Variants in NPTXR observed in about 807,000 individuals in gnomAD.
The protein encoded by NPTXR is neuronal pentraxin receptor.
A neutral mutation model predicts 32.2 loss-of-function variants in NPTXR; 12 were observed. The ratio of observed to expected loss-of-function variants is 0.37; its 90% CI spans 0.24 to 0.60. NPTXR has a LOEUF of 0.60. NPTXR is among the 20% of genes least tolerant of loss of function. The pLI, the probability that NPTXR is intolerant of heterozygous loss-of-function variation, is 0.66. For missense variants in NPTXR, 612 were observed against 682.9 expected (o/e 0.90, Z 1.16); for synonymous variants, 323 against 315.8 (o/e 1.02, Z -0.24).
intron 1 of NPTXR, among the ~76,000 whole-genome samples, chr22:38,831,302 G>T (rs1207778957): frequency 1.3e-5 from 2 of 152,204 alleles, no homozygotes; most frequent in Non-Finnish European, 2.9e-5. Context: ...AGCCACTTGG[G>T]TGGCTGAGGC....
intron 1 of NPTXR, among the ~76,000 whole-genome samples, chr22:38,837,844 T>TA (rs1189544833): frequency 1.6e-4 from 24 of 149,492 alleles, no homozygotes; most frequent in South Asian, 6.3e-4. Context: ...TTTATTTTTA[T>TA]TTTTTATTTT....
In NPTXR at chr22:38,822,563, T is replaced by A; in HGVS notation, c.*46A>T. On this transcript the variant is annotated 3_prime_UTR_variant, in exon 5 of 5. Transcript: ENST00000333039. ...AGGAGGGAATATGACCCCCCTCAAG[T>A]CCCCAAAGTGGCAGGCAAGGGAGGG... 6.5e-7 allele frequency: 1 copy of A among 1,548,800 alleles called. No individual in the cohort carries two copies. The highest frequency in any genetic ancestry group is 1.4e-5 in the African/African-American group (1 of 73,478).
chr22:38,833,685 T>G (rs2093119755), intron 1 of NPTXR, among the ~76,000 whole-genome samples: 2 of 148,228 alleles, frequency 1.3e-5, no homozygotes. Flanking sequence ...ATGGAGTTTC[T>G]TTTTTTTTTG....
Position 38,820,881 on chromosome 22 carries a change from T to G in NPTXR, c.*1728A>C, listed in dbSNP as rs2093095891. ...AGCTGTGGTGCCAGATGGGGTGGCTTTTCTCATCTTTAAGATTATTATTAT... is the reference window on the plus strand; with the variant it reads ...AGCTGTGGTGCCAGATGGGGTGGCTGTTCTCATCTTTAAGATTATTATTAT... On this transcript the variant is annotated 3_prime_UTR_variant, in exon 5 of 5. Coordinates refer to ENST00000333039, the MANE Select transcript of NPTXR (RefSeq NM_014293.4). 6.6e-6 allele frequency: 1 copy of G among 152,264 alleles called. No individual in the cohort carries two copies. Among genetic ancestry groups the G allele is most frequent in the Admixed American group, 6.5e-5 (1 of 15,276 alleles). 9.4% of individuals were successfully genotyped at this position (152,264 alleles called of 1,614,324 possible). A position where few individuals can be genotyped will look rare whatever the true frequency, so the allele number is the denominator to read the frequency against.
In NPTXR at chr22:38,819,829, G is replaced by C. The variant is rs1457062557; in HGVS notation, c.*2780C>G. 1.3e-5 allele frequency: 2 copies of C among 152,860 alleles called. No homozygotes were observed. The highest frequency in any genetic ancestry group is 3.9e-4 in the East Asian group (2 of 5,188). The allele number at this position is 152,860 out of a possible 1,614,324, so 9.5% of individuals were successfully genotyped here. ...TTGGATGTGCTCAGGGGCAGCAGAAGATAGGAAAAGCGGGACCCAAACAGT... is the reference window on the plus strand; with the variant it reads ...TTGGATGTGCTCAGGGGCAGCAGAACATAGGAAAAGCGGGACCCAAACAGT... On this transcript the variant is annotated 3_prime_UTR_variant, in exon 5 of 5. Transcript: ENST00000333039.
chr22:38,822,683 C>A lies in NPTXR; in HGVS notation c.1429G>T (p.Asp477Tyr). The stretch of plus-strand genomic sequence containing the variant: ...CCCCCAAAGGCCTCCACCAACTTGT[C>A]TTCCCAGGGAAGGACGTTGCCCAGC... Residue 477 changes from aspartate to tyrosine, a missense_variant, in exon 5 of 5, where the codon GAC (aspartate) becomes TAC (tyrosine). Asp to Tyr is a radical substitution (Grantham distance 160, BLOSUM62 -3). Transcript: ENST00000333039. 1 of 1,614,164 alleles carries A rather than the reference C, an allele frequency of 6.2e-7. No homozygotes were observed. Among genetic ancestry groups the A allele is most frequent in the South Asian group, 1.1e-5 (1 of 91,082 alleles).
At chr22:38,826,130 A>T (rs956003283) in intron 3 of NPTXR, among the ~76,000 whole-genome samples, 35 of 152,128 alleles carry the variant, frequency 2.3e-4, no homozygotes, top group South Asian at 4.1e-4. Context: ...GGCATGAGCC[A>T]GTGCGCCCGG....
At chr22:38,828,195 A>T in intron 2 of NPTXR, 92 bp downstream of exon 2, 1 of 1,003,594 alleles carries the variant, frequency 1.0e-6, no homozygotes, top group Admixed American at 1.8e-5. Flanking sequence ...CAGTCTGTCG[A>T]TGTTAGCCTC....
intron 1 of NPTXR, among the ~76,000 whole-genome samples, chr22:38,832,161 G>A (rs987575350): frequency 6.6e-6 from 1 of 152,202 alleles, no homozygotes; most frequent in Admixed American, 6.5e-5. Flanking sequence ...GCTCTGCAGC[G>A]GCCAGGAAGG....
At position 38,843,172 on chromosome 22, in the gene NPTXR, G is replaced by A; in HGVS notation, c.624+63C>T. The stretch of plus-strand genomic sequence containing the variant: ...ACCGGAGGCTCGGGGACCGCCGGAC[G>A]ACCGCGGCCGGGCGGCCCCTCACAC... On this transcript the variant is annotated intron_variant, in intron 1 of 4. Transcript: ENST00000333039. This position sits in a 1 kb window ranked among gnomAD's most constrained non-coding sequence, Gnocchi z 5.3. 8.0e-7 allele frequency: 1 copy of A among 1,252,954 alleles called. No homozygotes were observed. The highest frequency in any genetic ancestry group is 1.0e-6 in the Non-Finnish European group (1 of 997,768). 77.6% of individuals were successfully genotyped at this position (1,252,954 alleles called of 1,614,324 possible). A position where few individuals can be genotyped will look rare whatever the true frequency, so the allele number is the denominator to read the frequency against.
chr22:38,820,000 A>G lies in NPTXR; in HGVS notation c.*2609T>C, dbSNP rs1274372329. The G allele has an allele frequency of 1.3e-5, 2 of 152,588 alleles. No homozygotes were observed. Among genetic ancestry groups the G allele is most frequent in the African/African-American group, 2.4e-5 (1 of 41,418 alleles). The allele number at this position is 152,588 out of a possible 1,614,324, so 9.5% of individuals were successfully genotyped here. ...TTGAGCGTGTGTGTGGGCTCAAGTG[A>G]CCATGCAAGTGCTGTCACCTCCTTC... On this transcript the variant is annotated 3_prime_UTR_variant, in exon 5 of 5. Coordinates refer to ENST00000333039, the MANE Select transcript of NPTXR (RefSeq NM_014293.4).
In NPTXR at chr22:38,826,769, A is replaced by G. The variant is rs369111000; in HGVS notation, c.851-22T>C. The G allele has an allele frequency of 2.2e-5, 35 of 1,604,088 alleles. No homozygotes were observed. The African/African-American group carries it at 3.5e-4, about 16-fold the overall frequency. ...GACCCTGAGGGTGGGCAAGGCAGAC[A>G]TGGTGGAGGTCGGTGGACACCGAAA... On this transcript the variant is annotated intron_variant, in intron 2 of 4. Transcript: ENST00000333039.
At chr22:38,836,721 C>T (rs973695230) in intron 1 of NPTXR, among the ~76,000 whole-genome samples, 4 of 151,824 alleles carry the variant, frequency 2.6e-5, no homozygotes, top group African/African-American at 9.7e-5. Flanking sequence ...TGTCCACTTA[C>T]GATTTGTGTC....
At chr22:38,831,919 G>A (rs114553026) in intron 1 of NPTXR, among the ~76,000 whole-genome samples, 508 of 152,246 alleles carry the variant, frequency 3.3e-3, no homozygotes, top group African/African-American at 0.011. Flanking sequence ...GGCAGGAGTC[G>A]TTTTGAATTG....
chr22:38,825,848 T>C (rs1247012870), intron 3 of NPTXR, among the ~76,000 whole-genome samples: 1 of 150,046 alleles, frequency 6.7e-6, no homozygotes, highest in Non-Finnish European at 1.5e-5. Context: ...CTCTTTTTTT[T>C]TTTTTTTTTT....
Position 38,828,525 on chromosome 22 carries a change from C to T in NPTXR, c.625-13G>A. Reference sequence around the variant, plus strand: ...CTGGAAGCTCCTGCTGTTCACAGGGCAGAGAAACAGAAATCAACTGAGGGG... The same window carrying T: ...CTGGAAGCTCCTGCTGTTCACAGGGTAGAGAAACAGAAATCAACTGAGGGG... On this transcript the variant is annotated splice_polypyrimidine_tract_variant and intron_variant, in intron 1 of 4. Transcript: ENST00000333039. 1 of 1,562,402 alleles carries T rather than the reference C, an allele frequency of 6.4e-7. No homozygotes were observed. Among genetic ancestry groups the T allele is most frequent in the Non-Finnish European group, 8.7e-7 (1 of 1,151,922 alleles).
Position 38,843,104 on chromosome 22 carries a change from G to T in NPTXR, c.624+131C>A, listed in dbSNP as rs992177249. ...TTCCCTATCGAAATCCCCCCGCCTCGCCAGCGAGGAAGGCGCGATCGTCCC... is the reference window on the plus strand; with the variant it reads ...TTCCCTATCGAAATCCCCCCGCCTCTCCAGCGAGGAAGGCGCGATCGTCCC... On this transcript the variant is annotated intron_variant, in intron 1 of 4. Coordinates refer to ENST00000333039, the MANE Select transcript of NPTXR (RefSeq NM_014293.4). The surrounding 1 kb of genome is among the most constrained non-coding windows in gnomAD (Gnocchi z 5.3). 2 of 959,618 alleles carry T rather than the reference G, an allele frequency of 2.1e-6. No individual in the cohort carries two copies. The highest frequency in any genetic ancestry group is 1.3e-6 in the Non-Finnish European group (1 of 742,954). 59.4% of individuals were successfully genotyped at this position (959,618 alleles called of 1,614,324 possible).
chr22:38,843,543 C>T lies in NPTXR; in HGVS notation c.316G>A (p.Gly106Arg). 8.0e-7 allele frequency: 1 copy of T among 1,247,856 alleles called. No homozygotes were observed. The highest frequency in any genetic ancestry group is 4.2e-5 in the Admixed American group (1 of 23,650). 77.3% of individuals were successfully genotyped at this position (1,247,856 alleles called of 1,614,324 possible). A position where few individuals can be genotyped will look rare whatever the true frequency, so the allele number is the denominator to read the frequency against. ...CCCGCCGCGTCCCCCTGCTGGGCCC[C>T]CGACGGGCAGGCAGCAGCCAGCGGC... The change falls in exon 1 of 5, where the codon GGG becomes AGG. Residue 106 changes from glycine to arginine, a missense_variant. Transcript: ENST00000333039. This position sits in a 1 kb window ranked among gnomAD's most constrained non-coding sequence, Gnocchi z 5.3.
In NPTXR at chr22:38,834,337, G is replaced by T. The variant is rs767373875; in HGVS notation, c.625-5825C>A. On this transcript the variant is annotated intron_variant, in intron 1 of 4. Coordinates refer to ENST00000333039, the MANE Select transcript of NPTXR (RefSeq NM_014293.4). The surrounding 1 kb of genome is among the most constrained non-coding windows in gnomAD (Gnocchi z 4.4). ...TCCTCCTGGCTTCAGCCCTTACCCC[G>T]ACAGGACATAGGTCACGCCCACTGA... 6.6e-6 allele frequency among the ~76,000 whole-genome samples: 1 copy of T among 152,030 alleles called. No individual in the cohort carries two copies. The highest frequency in any genetic ancestry group is 1.5e-5 in the Non-Finnish European group (1 of 68,010).
Sources: allele counts gnomAD v4.1 joint callset (sites outside exome capture counted in the v4.1 genomes callset), GRCh38; gene constraint gnomAD v4.1.1; non-coding constraint Gnocchi (gnomAD v3.1); transcripts MANE v1.5; gene names NCBI Gene and HGNC (gene_info 2026-07-23, HGNC 2026-07-21).